PDE1A: variants seen among roughly 807,000 people sequenced by gnomAD.
PDE1A encodes dual specificity calcium/calmodulin-dependent 3',5'-cyclic nucleotide phosphodiesterase 1A.
In PDE1A, 35 loss-of-function variants were observed where a neutral mutation model predicts 61.7. The ratio of observed to expected loss-of-function variants is 0.57; its 90% CI spans 0.43 to 0.75. The LOEUF (loss-of-function observed/expected upper bound fraction) is 0.75, where lower values mean the gene tolerates loss of function less well. PDE1A is among the 30% of genes least tolerant of loss of function. PDE1A has a pLI of 0.00. For synonymous variants in PDE1A, 232 were observed against 213.2 expected (o/e 1.09, Z -0.77); for missense variants, 597 against 630.6 (o/e 0.95, Z 0.57).
the PDE1A span, among the ~76,000 whole-genome samples, chr2:182,577,882 T>A: frequency 6.9e-6 from 1 of 144,896 alleles, no homozygotes; most frequent in African/African-American, 2.6e-5. Flanking sequence ...ATCTCACCAC[T>A]GCACTCCAGT....
the PDE1A span, among the ~76,000 whole-genome samples, chr2:182,583,315 G>A: frequency 3.3e-5 from 5 of 152,096 alleles, no homozygotes; most frequent in African/African-American, 9.7e-5. Flanking sequence ...AATAATATAT[G>A]CAAACTGACC....
At chr2:182,250,125 C>T (rs1691290380) in intron 2 of PDE1A, among the ~76,000 whole-genome samples, 1 of 152,102 alleles carries the variant, frequency 6.6e-6, no homozygotes, top group Non-Finnish European at 1.5e-5. Context: ...ACCCAGACTG[C>T]CTTCACATTC....
the PDE1A span, among the ~76,000 whole-genome samples, chr2:182,623,942 C>G: frequency 4.6e-5 from 7 of 151,874 alleles, no homozygotes; most frequent in East Asian, 1.2e-3. Flanking sequence ...TGGCTAACAC[C>G]GTGAAACCCC....
At position 182,360,366 on chromosome 2, in the gene PDE1A, G is replaced by A. The variant is rs147771012; in HGVS notation, c.53+66212C>T. 4.6e-3 allele frequency among the ~76,000 whole-genome samples: 702 copies of A among 152,114 alleles called. 5 individuals carry two copies. The highest frequency in any genetic ancestry group is 0.029 in the South Asian group (141 of 4,822). On this transcript the variant is annotated intron_variant, in intron 1 of 13. Coordinates refer to ENST00000351439, the Ensembl canonical transcript of PDE1A. ...GCAATCGGATTTGGCAAGTGTCCCC[G>A]TTTAATCTAACTCAGTTTAGGAGCT...
intron 2 of PDE1A, among the ~76,000 whole-genome samples, chr2:182,462,565 G>A (rs1686379287): frequency 6.6e-6 from 1 of 151,902 alleles, no homozygotes; most frequent in South Asian, 2.1e-4. Context: ...CAGAGCATGG[G>A]CCCTGCCTTT....
At chr2:182,299,376 G>C (rs984303318) in intron 1 of PDE1A, among the ~76,000 whole-genome samples, 5 of 150,318 alleles carry the variant, frequency 3.3e-5, no homozygotes, top group African/African-American at 1.2e-4. Context: ...TTTTCAGTAA[G>C]AGCCATTATG....
the PDE1A span, among the ~76,000 whole-genome samples, chr2:182,622,079 G>A: frequency 1.3e-5 from 2 of 152,118 alleles, no homozygotes; most frequent in African/African-American, 2.4e-5. Context: ...GAGGAATTGA[G>A]GGTTAAGTAT....
chr2:182,340,679 T>C (rs1698128276), intron 1 of PDE1A, among the ~76,000 whole-genome samples: 1 of 152,168 alleles, frequency 6.6e-6, no homozygotes. Context: ...TAAGGGACAA[T>C]AGCTAGCTTT....
At chr2:182,603,799 A>G in the PDE1A span, among the ~76,000 whole-genome samples, 7,608 of 152,294 alleles carry the variant, frequency 0.05, 229 homozygotes, top group Middle Eastern at 0.086. Context: ...AACAAGAAAC[A>G]TTATCAAAAA....
the PDE1A span, among the ~76,000 whole-genome samples, chr2:182,577,610 C>A: frequency 6.6e-6 from 1 of 152,194 alleles, no homozygotes; most frequent in African/African-American, 2.4e-5. Flanking sequence ...AATGTGGCAG[C>A]AGGTCCGATG....
chr2:182,596,103 TA>T, the PDE1A span, among the ~76,000 whole-genome samples: 1 of 152,214 alleles, frequency 6.6e-6, no homozygotes, highest in African/African-American at 2.4e-5. Context: ...CTTTGTTTCA[TA>T]AGGGAGTATT....
chr2:182,658,483 C>T, the PDE1A span, among the ~76,000 whole-genome samples: 1 of 152,202 alleles, frequency 6.6e-6, no homozygotes, highest in South Asian at 2.1e-4. Context: ...TGTTTCAAAA[C>T]TAAGGTCACA....
chr2:182,451,095 A>ATACAAATGCATAAAGTATTAGTAT (rs1685482132), intron 2 of PDE1A, among the ~76,000 whole-genome samples: 8 of 89,492 alleles, frequency 8.9e-5, no homozygotes, highest in Admixed American at 2.1e-4. Context: ...TATTTTAACT[A>ATACAAATGCATAAAGTATTAGTAT]GGGCCGGGCG....
chr2:182,689,874 A>G, the PDE1A span, among the ~76,000 whole-genome samples: 3 of 152,224 alleles, frequency 2.0e-5, no homozygotes, highest in Non-Finnish European at 2.9e-5. Flanking sequence ...CAGAAATACA[A>G]ACTACCATCA....
At chr2:182,375,163 G>A (rs1700326525) in intron 1 of PDE1A, among the ~76,000 whole-genome samples, 1 of 152,064 alleles carries the variant, frequency 6.6e-6, no homozygotes, top group African/African-American at 2.4e-5. Context: ...TTCTGCCCCT[G>A]GCTCTTCCAA....
chr2:182,582,431 C>G, the PDE1A span, among the ~76,000 whole-genome samples: 1 of 151,976 alleles, frequency 6.6e-6, no homozygotes, highest in African/African-American at 2.4e-5. Context: ...GGGATAGATA[C>G]CAGATTAAAA....
At chr2:182,385,501 T>G (rs1003662935) in intron 1 of PDE1A, among the ~76,000 whole-genome samples, 1 of 151,964 alleles carries the variant, frequency 6.6e-6, no homozygotes. Context: ...AGAAAGTTAT[T>G]AGATTTTTTG....
intron 1 of PDE1A, among the ~76,000 whole-genome samples, chr2:182,332,307 G>C (rs1222552697): frequency 1.3e-5 from 2 of 152,052 alleles, no homozygotes; most frequent in Non-Finnish European, 2.9e-5. Flanking sequence ...TGCTCCTTTA[G>C]CTCGGAGGAG....
At chr2:182,341,743 A>G (rs1423732913) in intron 1 of PDE1A, among the ~76,000 whole-genome samples, 1 of 152,116 alleles carries the variant, frequency 6.6e-6, no homozygotes, top group Non-Finnish European at 1.5e-5. Flanking sequence ...ATAAGCTACA[A>G]ATTTGGTAAA....
Sources: gnomAD v4.1 joint callset for allele counts (sites outside exome capture counted in the v4.1 genomes callset) on GRCh38, gnomAD v4.1.1 for gene constraint, MANE v1.5 for transcripts, NCBI Gene and HGNC (gene_info 2026-07-23, HGNC 2026-07-21) for gene names.